The following XNDC1N variants were observed in gnomAD, a reference collection of about 807,000 sequenced individuals.
XNDC1N encodes the protein protein XNDC1N.
the XNDC1N span, among the ~76,000 whole-genome samples, chr11:71,908,234 GATTATT>G: frequency 6.6e-6 from 1 of 151,606 alleles, no homozygotes; most frequent in African/African-American, 2.4e-5. Context: ...AAAGTTTTCA[GATTATT>G]AATATTAATA....
the XNDC1N span, chr11:71,919,104 TA>T: frequency 5.9e-6 from 4 of 680,976 alleles, no homozygotes; most frequent in Non-Finnish European, 1.1e-5. Context: ...GAGGGATCGC[TA>T]AAACCCCAAA....
chr11:71,910,889 C>T, the XNDC1N span, among the ~76,000 whole-genome samples: 1 of 152,196 alleles, frequency 6.6e-6, no homozygotes, highest in African/African-American at 2.4e-5. Context: ...CTTTGGAATG[C>T]GGATCCCAAC....
chr11:71,868,797 T>C, the XNDC1N span, among the ~76,000 whole-genome samples: 5 of 152,220 alleles, frequency 3.3e-5, no homozygotes, highest in African/African-American at 9.6e-5. Context: ...AGGGGTTCTC[T>C]GCATTTCCTA....
At chr11:71,910,883 G>C in the XNDC1N span, among the ~76,000 whole-genome samples, 1 of 152,206 alleles carries the variant, frequency 6.6e-6, no homozygotes, top group Non-Finnish European at 1.5e-5. Flanking sequence ...GGGAACCTTT[G>C]GAATGCGGAT....
chr11:71,897,923 C>T, the XNDC1N span, among the ~76,000 whole-genome samples: 34 of 152,244 alleles, frequency 2.2e-4, no homozygotes, highest in Middle Eastern at 3.2e-3. Context: ...TGGCTCACGC[C>T]TGTAATCGCA....
chr11:71,887,200 GC>G, the XNDC1N span, among the ~76,000 whole-genome samples: 2 of 152,168 alleles, frequency 1.3e-5, no homozygotes, highest in Non-Finnish European at 1.5e-5. Flanking sequence ...CGCCCCGGTC[GC>G]CCGGTTATCC....
chr11:71,867,176 A>C, the XNDC1N span, among the ~76,000 whole-genome samples: 1 of 152,104 alleles, frequency 6.6e-6, no homozygotes, highest in Non-Finnish European at 1.5e-5. Flanking sequence ...AACAAAAAAA[A>C]TTGAATAATC....
chr11:71,890,362 C>A, the XNDC1N span, among the ~76,000 whole-genome samples: 3 of 152,008 alleles, frequency 2.0e-5, no homozygotes, highest in South Asian at 4.2e-4. Context: ...CTGGATATGA[C>A]GAACAATATC....
the XNDC1N span, among the ~76,000 whole-genome samples, chr11:71,877,957 CAGAA>C: frequency 6.6e-6 from 1 of 152,170 alleles, no homozygotes; most frequent in Admixed American, 6.5e-5. Context: ...ATCGATTGGA[CAGAA>C]AGATAATCAA....
the XNDC1N span, among the ~76,000 whole-genome samples, chr11:71,895,637 A>G: frequency 2.6e-5 from 4 of 152,196 alleles, no homozygotes; most frequent in African/African-American, 9.6e-5. Flanking sequence ...ACCACTTAGC[A>G]TTTACATTTT....
the XNDC1N span, among the ~76,000 whole-genome samples, chr11:71,911,977 A>T: frequency 3.9e-5 from 6 of 152,310 alleles, 1 homozygote; most frequent in Admixed American, 6.5e-5. Context: ...TGGAGGAAGG[A>T]TGGATTCGGT....
the XNDC1N span, among the ~76,000 whole-genome samples, chr11:71,890,716 G>A: frequency 1.6e-4 from 24 of 151,908 alleles, no homozygotes; most frequent in Admixed American, 5.2e-4. Flanking sequence ...GAATATCATC[G>A]TCTCCCCTCA....
chr11:71,871,783 G>C, the XNDC1N span, among the ~76,000 whole-genome samples: 33 of 152,278 alleles, frequency 2.2e-4, no homozygotes, highest in East Asian at 6.4e-3. Context: ...TTAGTCATTA[G>C]TGAAATGCAA....
At chr11:71,899,429 AG>A in the XNDC1N span, among the ~76,000 whole-genome samples, 22 of 152,322 alleles carry the variant, frequency 1.4e-4, no homozygotes, top group Admixed American at 1.2e-3. Context: ...AAGACATAAA[AG>A]ACTCCATTTG....
At chr11:71,899,887 C>G in the XNDC1N span, among the ~76,000 whole-genome samples, 1 of 152,150 alleles carries the variant, frequency 6.6e-6, no homozygotes, top group Admixed American at 6.5e-5. Context: ...CCTGCCTGCC[C>G]CTGGGAAATG....
the XNDC1N span, among the ~76,000 whole-genome samples, chr11:71,887,559 A>G: frequency 0.03 from 4,464 of 150,622 alleles, no homozygotes; most frequent in East Asian, 0.064. Context: ...ACAACCCTCC[A>G]GGATTGGCCA....
the XNDC1N span, among the ~76,000 whole-genome samples, chr11:71,873,233 T>C: frequency 6.6e-6 from 1 of 152,214 alleles, no homozygotes; most frequent in Admixed American, 6.5e-5. Flanking sequence ...TCATGAATTC[T>C]AGTAAATGTC....
At chr11:71,899,319 C>T in the XNDC1N span, among the ~76,000 whole-genome samples, 1 of 152,098 alleles carries the variant, frequency 6.6e-6, no homozygotes, top group Non-Finnish European at 1.5e-5. Context: ...GGACAGTGGA[C>T]CTGTTCTCCG....
chr11:71,894,656 C>A, the XNDC1N span, among the ~76,000 whole-genome samples: 2 of 152,302 alleles, frequency 1.3e-5, no homozygotes, highest in Admixed American at 6.5e-5. Flanking sequence ...AGTTTCTGAG[C>A]AATAACCCTG....
Sources: allele counts gnomAD v4.1 joint callset (sites outside exome capture counted in the v4.1 genomes callset), GRCh38; gene constraint gnomAD v4.1.1; transcripts MANE v1.5; gene names NCBI Gene and HGNC (gene_info 2026-07-23, HGNC 2026-07-21).